The following DTNA variants were observed in gnomAD, a reference collection of about 807,000 sequenced individuals.
The protein encoded by DTNA is dystrophin-related protein 3.
Under a neutral mutation model 100.7 loss-of-function variants are expected in DTNA, and 43 were observed. The observed-to-expected ratio is 0.43, with a 90% CI of 0.33 to 0.55. The LOEUF is 0.55. Ranked by LOEUF, DTNA falls within the 20% of genes least tolerant of loss-of-function variation. The pLI is 0.04. For synonymous variants in DTNA, 349 were observed against 347.9 expected (o/e 1.00, Z -0.04); for missense variants, 798 against 953.9 (o/e 0.84, Z 2.15).
intron 16 of DTNA, among the ~76,000 whole-genome samples, chr18:34,859,722 C>T (rs570510761): frequency 6.6e-6 from 1 of 151,842 alleles, no homozygotes; most frequent in East Asian, 1.9e-4. Context: ...GTTTCGCTGC[C>T]TCCAGTCCCT....
At chr18:34,829,585 C>A (rs959891720) in intron 11 of DTNA, 96 bp downstream of exon 11, 1 of 1,272,340 alleles carries the variant, frequency 7.9e-7, no homozygotes, top group Non-Finnish European at 1.0e-6. Flanking sequence ...TCTCATAGTA[C>A]GTCTTATTGG....
chr18:34,713,940 A>C (rs1199410543), intron 1 of DTNA, among the ~76,000 whole-genome samples: 2 of 152,132 alleles, frequency 1.3e-5, no homozygotes, highest in Non-Finnish European at 2.9e-5. Flanking sequence ...GTGTATAAGA[A>C]TGCTGATCTT....
chr18:34,822,194 C>T (rs1302460069), intron 9 of DTNA, among the ~76,000 whole-genome samples: 1 of 152,130 alleles, frequency 6.6e-6, no homozygotes, highest in East Asian at 1.9e-4. Context: ...TAAAATAAGC[C>T]AGGGGTAAAT....
intron 14 of DTNA, among the ~76,000 whole-genome samples, chr18:34,850,692 G>A (rs560781716): frequency 6.6e-6 from 1 of 152,122 alleles, no homozygotes; most frequent in Non-Finnish European, 1.5e-5. Flanking sequence ...ATAAAAATTG[G>A]TGTGGAGGAA....
At chr18:34,812,724 G>A (rs559340247) in intron 6 of DTNA, among the ~76,000 whole-genome samples, 134 of 152,250 alleles carry the variant, frequency 8.8e-4, no homozygotes, top group Non-Finnish European at 1.6e-3. Context: ...ATTGGGTGGG[G>A]ACACAAAGCC....
chr18:34,559,583 C>T (rs189820880), intron 1 of DTNA, among the ~76,000 whole-genome samples: 139 of 152,294 alleles, frequency 9.1e-4, no homozygotes, highest in African/African-American at 3.1e-3. Flanking sequence ...CCTGGTTTCA[C>T]TCTTTGGTAT....
At chr18:34,578,008 G>A (rs2048279086) in intron 1 of DTNA, among the ~76,000 whole-genome samples, 1 of 151,522 alleles carries the variant, frequency 6.6e-6, no homozygotes, top group Admixed American at 6.6e-5. Flanking sequence ...GGATCAAATG[G>A]TAGCTGTACT....
In DTNA at chr18:34,890,534, TC is replaced by T; in HGVS notation, c.*2802del. The T allele has an allele frequency of 6.6e-7, 1 of 1,509,920 alleles. No homozygotes were observed. The highest frequency in any genetic ancestry group is 2.5e-5 in the East Asian group (1 of 40,726). The allele number at this position is 1,509,920 out of a possible 1,614,324, so 93.5% of individuals were successfully genotyped here. On this transcript the variant is annotated 3_prime_UTR_variant, in exon 23 of 23. Coordinates refer to ENST00000444659, the MANE Select transcript of DTNA (RefSeq NM_001386795.1). ...TTCTTGTTCCACAATGAATTGCACA[TC>T]CATCTCCATCAGAGCTGATAGCCTG...
In DTNA at chr18:34,754,666, ATG is replaced by A. The variant is rs561102537; in HGVS notation, c.-1-1309_-1-1308del. On this transcript the variant is annotated intron_variant, in intron 1 of 22. Coordinates refer to ENST00000444659, the MANE Select transcript of DTNA (RefSeq NM_001386795.1). ...TGTCAGATAATTATAGTGTATATTT[ATG>A]GGGTACAATGTAATGTGTTGATCCG... Among the ~76,000 whole-genome samples the A allele has an allele frequency of 3.9e-3, 599 of 152,270 alleles. 19 individuals are homozygous for A. Among genetic ancestry groups the A allele is most frequent in the Admixed American group, 0.027 (410 of 15,288 alleles).
chr18:34,587,743 G>A (rs887991813), intron 1 of DTNA, among the ~76,000 whole-genome samples: 4 of 152,026 alleles, frequency 2.6e-5, no homozygotes, highest in African/African-American at 9.7e-5. Context: ...GTCTACTTGG[G>A]CCAAACACTT....
At chr18:34,884,348 A>G (rs1464962049) in intron 21 of DTNA, among the ~76,000 whole-genome samples, 1 of 152,146 alleles carries the variant, frequency 6.6e-6, no homozygotes, top group Non-Finnish European at 1.5e-5. Flanking sequence ...TATGAGTAAA[A>G]TGAAGGGAAT....
chr18:34,612,227 G>T (rs1420277086), intron 1 of DTNA, among the ~76,000 whole-genome samples: 2 of 152,200 alleles, frequency 1.3e-5, no homozygotes, highest in African/African-American at 4.8e-5. Flanking sequence ...ATCTACGCGT[G>T]CCTGGACCTT....
intron 4 of DTNA, among the ~76,000 whole-genome samples, chr18:34,795,811 G>C (rs1175105160): frequency 3.9e-5 from 6 of 152,138 alleles, no homozygotes; most frequent in Non-Finnish European, 8.8e-5. Flanking sequence ...AATAAGGAAG[G>C]GGGTATTTTG....
At chr18:34,532,672 GT>G (rs549078860) in intron 1 of DTNA, among the ~76,000 whole-genome samples, 92 of 152,086 alleles carry the variant, frequency 6.0e-4, no homozygotes, top group African/African-American at 2.0e-3. Context: ...ATCGCACTGT[GT>G]TAAAATCACC....
At chr18:34,823,833 G>A (rs1470862559) in intron 9 of DTNA, among the ~76,000 whole-genome samples, 1 of 152,170 alleles carries the variant, frequency 6.6e-6, no homozygotes, top group Admixed American at 6.5e-5. Flanking sequence ...TACAGACAGA[G>A]GTAAGAAGGG....
chr18:34,843,256 G>A (rs968633937), intron 13 of DTNA, among the ~76,000 whole-genome samples: 6 of 152,124 alleles, frequency 3.9e-5, no homozygotes, highest in Non-Finnish European at 7.4e-5. Context: ...GGTAGACATG[G>A]GCAAAGATAA....
chr18:34,802,047 T>C (rs1806912625), intron 4 of DTNA, among the ~76,000 whole-genome samples: 2 of 152,300 alleles, frequency 1.3e-5, no homozygotes, highest in South Asian at 4.2e-4. Flanking sequence ...ATCTGGCTCT[T>C]TTATGTCTTG....
chr18:34,541,772 A>T (rs1387607588), intron 1 of DTNA, among the ~76,000 whole-genome samples: 1 of 152,120 alleles, frequency 6.6e-6, no homozygotes, highest in Admixed American at 6.6e-5. Flanking sequence ...TGGGAGATAA[A>T]GTGAGATTAG....
intron 1 of DTNA, among the ~76,000 whole-genome samples, chr18:34,687,420 G>A (rs1385633287): frequency 6.6e-6 from 1 of 152,124 alleles, no homozygotes; most frequent in Non-Finnish European, 1.5e-5. Context: ...TTCAGGAGCA[G>A]GTTGTTCAGT....
Sources: allele counts gnomAD v4.1 joint callset (sites outside exome capture counted in the v4.1 genomes callset), GRCh38; gene constraint gnomAD v4.1.1; transcripts MANE v1.5; gene names NCBI Gene and HGNC (gene_info 2026-07-23, HGNC 2026-07-21).